Variants in ABCC11 observed in about 807,000 individuals in gnomAD.
ABCC11 encodes the protein ATP-binding cassette sub-family C member 11.
Under a neutral mutation model 149.3 loss-of-function variants are expected in ABCC11, and 135 were observed. The observed-to-expected ratio is 0.90, with a 90% CI of 0.79 to 1.04. The LOEUF (loss-of-function observed/expected upper bound fraction) is 1.04, where lower values mean the gene tolerates loss of function less well. ABCC11 is among the 50% of genes least tolerant of loss of function. The probability of loss-of-function intolerance (pLI) is 0.00; values close to 1 mark genes in which losing one functional copy is unlikely to be tolerated. For missense variants in ABCC11, 1,680 were observed against 1,722.1 expected (o/e 0.98, Z 0.43); for synonymous variants, 665 against 671.4 (o/e 0.99, Z 0.15).
At chr16:48,189,535 T>C (rs1007182924) in intron 20 of ABCC11, among the ~76,000 whole-genome samples, 4 of 152,202 alleles carry the variant, frequency 2.6e-5, no homozygotes, top group African/African-American at 9.7e-5. Flanking sequence ...TAAAAAGCCA[T>C]GAAAGGACTG....
intron 14 of ABCC11, among the ~76,000 whole-genome samples, chr16:48,200,729 T>A (rs1229458511): frequency 6.6e-6 from 1 of 152,108 alleles, no homozygotes; most frequent in Non-Finnish European, 1.5e-5. Flanking sequence ...TGGAAAGGAT[T>A]TTTGGGGGTA....
At chr16:48,172,995 T>C (rs1240725402) in intron 26 of ABCC11, among the ~76,000 whole-genome samples, 1 of 152,214 alleles carries the variant, frequency 6.6e-6, no homozygotes, top group Non-Finnish European at 1.5e-5. Flanking sequence ...GCCACGCATA[T>C]CTTGTGTGTA....
chr16:48,200,655 C>T (rs1408951480), intron 14 of ABCC11, among the ~76,000 whole-genome samples, 176 bp from the exon 15 acceptor site: 1 of 152,146 alleles, frequency 6.6e-6, no homozygotes, highest in Non-Finnish European at 1.5e-5. Flanking sequence ...ATATCTCACT[C>T]ATATGTGGGA....
chr16:48,216,378 G>C (rs1969347448), intron 6 of ABCC11, 91 bp from the exon 7 acceptor site: 1 of 1,310,956 alleles, frequency 7.6e-7, no homozygotes, highest in Non-Finnish European at 1.1e-6. Flanking sequence ...TCTCCTAGCA[G>C]GAAGGCTTGA....
In ABCC11 at chr16:48,167,367, C is replaced by A; in HGVS notation, c.4057-1G>T. 7.2e-7 allele frequency: 1 copy of A among 1,383,328 alleles called. No homozygotes were observed. Among genetic ancestry groups the A allele is most frequent in the Non-Finnish European group, 1.0e-6 (1 of 969,378 alleles). 85.7% of individuals were successfully genotyped at this position (1,383,328 alleles called of 1,614,324 possible). ...CCTCCGGCCGATCAAATTCTACCAC[C>A]TGGAGGGTAGAGAAAGGCGAGGGGA... is the stretch of plus-strand genomic sequence containing the variant. On this transcript the variant is annotated splice_acceptor_variant, in intron 29 of 29. Transcript: ENST00000356608. LOFTEE classifies it high-confidence loss of function.
At chr16:48,184,398 G>T in intron 23 of ABCC11, 42 bp downstream of exon 23, 1 of 1,594,348 alleles carries the variant, frequency 6.3e-7, no homozygotes, top group South Asian at 1.1e-5. Flanking sequence ...GGCAGAGGAT[G>T]AGCAAAGCTC....
At chr16:48,178,053 C>T (rs1416995940) in intron 24 of ABCC11, among the ~76,000 whole-genome samples, 1 of 152,188 alleles carries the variant, frequency 6.6e-6, no homozygotes, top group African/African-American at 2.4e-5. Context: ...CATGATGGAG[C>T]CTCACTATGG....
intron 4 of ABCC11, among the ~76,000 whole-genome samples, chr16:48,226,759 A>G (rs1970100648): frequency 1.3e-5 from 2 of 152,130 alleles, no homozygotes; most frequent in African/African-American, 4.8e-5. Flanking sequence ...CAGTTTCTGT[A>G]CTCCATGTGA....
chr16:48,176,847 C>T, intron 25 of ABCC11, 77 bp downstream of exon 25: 3 of 1,474,358 alleles, frequency 2.0e-6, no homozygotes, highest in Non-Finnish European at 2.7e-6. Flanking sequence ...ACTGAGCAAA[C>T]ACATGCCCCT....
intron 20 of ABCC11, among the ~76,000 whole-genome samples, chr16:48,191,985 A>G (rs1966962054): frequency 6.6e-6 from 1 of 152,166 alleles, no homozygotes; most frequent in African/African-American, 2.4e-5. Context: ...ATAAAAAATA[A>G]TAATAAAATA....
intron 3 of ABCC11, among the ~76,000 whole-genome samples, chr16:48,229,426 G>C (rs1401850103): frequency 6.7e-6 from 1 of 149,952 alleles, no homozygotes; most frequent in Non-Finnish European, 1.5e-5. Context: ...AAATCAACTT[G>C]GTTACTCCCA....
chr16:48,221,212 A>G (rs1407915618), intron 6 of ABCC11, among the ~76,000 whole-genome samples: 1 of 152,164 alleles, frequency 6.6e-6, no homozygotes, highest in Non-Finnish European at 1.5e-5. Context: ...CTAATAACAG[A>G]TCACAAAGGG....
chr16:48,231,328 GA>G (rs1261738499), intron 2 of ABCC11, among the ~76,000 whole-genome samples: 1 of 152,038 alleles, frequency 6.6e-6, no homozygotes, highest in East Asian at 1.9e-4. Flanking sequence ...CATGATGATG[GA>G]TTATAATTGA....
At chr16:48,173,850 C>A (rs1965870259) in intron 26 of ABCC11, among the ~76,000 whole-genome samples, 1 of 152,220 alleles carries the variant, frequency 6.6e-6, no homozygotes, top group Non-Finnish European at 1.5e-5. Context: ...GTCTCAAACT[C>A]CTGGCCTCAA....
At position 48,167,318 on chromosome 16, in the gene ABCC11, A is replaced by G. The variant is rs767450077; in HGVS notation, c.4105T>C (p.Leu1369=). Residue 1369 remains leucine (L), a synonymous_variant, in exon 30 of 30, where the codon TTG becomes CTG. Coordinates refer to ENST00000356608, the MANE Select transcript of ABCC11 (RefSeq NM_001370497.1). ...GCTGTGGCCATGAGGGCTGCGAACA[A>G]TGACCCAGGCTTCTTCCGCAGTACC... ...PEVLRKKPGS[L]FAALMATATS... 5 of 969,010 alleles carry G rather than the reference A, an allele frequency of 5.2e-6. No individual in the cohort carries two copies. The South Asian group carries it at 6.4e-5, about 12-fold the overall frequency. 60.0% of individuals were successfully genotyped at this position (969,010 alleles called of 1,614,324 possible).
rs566863895 is a variant in ABCC11, at chr16:48,236,583, T to TA, written c.-18-4645dup. Reference sequence around the variant, plus strand: ...GAGTGCCCAGCACATAGTATATGCATAACAAATATTCAATGGATCAATGAA... The same window carrying TA: ...GAGTGCCCAGCACATAGTATATGCATAAACAAATATTCAATGGATCAATGAA... On this transcript the variant is annotated intron_variant, in intron 1 of 29. Transcript: ENST00000356608. Among the ~76,000 whole-genome samples, 611 of 152,328 alleles carry TA rather than the reference T, an allele frequency of 4.0e-3. 1 individual carries two copies. The highest frequency in any genetic ancestry group is 7.3e-3 in the Admixed American group (111 of 15,300).
At chr16:48,219,057 G>A (rs944299502) in intron 6 of ABCC11, among the ~76,000 whole-genome samples, 1 of 152,140 alleles carries the variant, frequency 6.6e-6, no homozygotes, top group Non-Finnish European at 1.5e-5. Context: ...AAACCAAGAG[G>A]AGGACGCTAT....
In ABCC11 at chr16:48,211,076, C is replaced by A. The variant is rs745733454; in HGVS notation, c.1480G>T (p.Ala494Ser). Residue 494 changes from alanine to serine, a missense_variant, in exon 11 of 30, where the codon GCA becomes TCA. By Grantham distance (99) the Ala-to-Ser change is moderately conservative (BLOSUM62 1). Coordinates refer to ENST00000356608, the MANE Select transcript of ABCC11 (RefSeq NM_001370497.1). ...QQTCPGIVNG[A>S]LELERNGHAS... ...TGCCCGTTCCTCTCCAGCTCCAGTG[C>A]CCCATTGACGATCCCGGGACAGGTC... The A allele has an allele frequency of 6.2e-7, 1 of 1,614,108 alleles. No homozygotes were observed. Among genetic ancestry groups the A allele is most frequent in the African/African-American group, 1.3e-5 (1 of 74,930 alleles).
At chr16:48,230,713 G>C in intron 2 of ABCC11, 140 bp from the exon 3 acceptor site, 1 of 1,029,430 alleles carries the variant, frequency 9.7e-7, no homozygotes, top group East Asian at 2.8e-5. Context: ...CCGAGAATAA[G>C]CAGGGGACCG....
Sources: gnomAD v4.1 joint callset for allele counts (sites outside exome capture counted in the v4.1 genomes callset) on GRCh38, gnomAD v4.1.1 for gene constraint, MANE v1.5 for transcripts, NCBI Gene and HGNC (gene_info 2026-07-23, HGNC 2026-07-21) for gene names.